TRAPPC9: variants seen among roughly 807,000 people sequenced by gnomAD.
The protein encoded by TRAPPC9 is trafficking protein particle complex subunit 9.
TRAPPC9 carries 83 observed loss-of-function variants against 124.0 expected under a neutral mutation model. That is an observed-to-expected ratio of 0.67 (90% CI 0.56 to 0.80). The LOEUF is 0.80. Ranked by LOEUF, TRAPPC9 falls within the 30% of genes least tolerant of loss-of-function variation. The pLI is 0.00. For missense variants in TRAPPC9, 1,302 were observed against 1,508.3 expected (o/e 0.86, Z 2.27); for synonymous variants, 638 against 617.5 (o/e 1.03, Z -0.49).
intron 19 of TRAPPC9, among the ~76,000 whole-genome samples, chr8:139,915,969 G>C (rs908109815): frequency 3.3e-5 from 5 of 152,212 alleles, no homozygotes; most frequent in African/African-American, 7.2e-5. Context: ...ATGCTCTCTA[G>C]AGATTCGCTA....
intron 16 of TRAPPC9, among the ~76,000 whole-genome samples, chr8:140,242,827 A>G (rs1482936310): frequency 6.6e-6 from 1 of 152,218 alleles, no homozygotes; most frequent in African/African-American, 2.4e-5. Flanking sequence ...GAAGCTCCCC[A>G]CCTACAGGAG....
chr8:140,061,989 C>T (rs991835166), intron 17 of TRAPPC9, among the ~76,000 whole-genome samples: 4 of 152,356 alleles, frequency 2.6e-5, no homozygotes, highest in African/African-American at 9.6e-5. Flanking sequence ...GCAAAGCTAA[C>T]AGCCCAGTCA....
intron 16 of TRAPPC9, among the ~76,000 whole-genome samples, chr8:140,249,018 T>C (rs1268099572): frequency 1.1e-5 from 1 of 88,804 alleles, no homozygotes; most frequent in African/African-American, 5.6e-5. Flanking sequence ...TAAAGCCAAC[T>C]TTTTTTTGTA....
intron 17 of TRAPPC9, among the ~76,000 whole-genome samples, chr8:140,076,501 T>G (rs1382154709): frequency 3.3e-5 from 5 of 152,068 alleles, no homozygotes; most frequent in African/African-American, 2.4e-5. Flanking sequence ...AAAGGAAGAG[T>G]GCAGAGGAGA....
At chr8:140,272,413 G>GATA (rs772835808) in intron 15 of TRAPPC9, among the ~76,000 whole-genome samples, 50 of 115,498 alleles carry the variant, frequency 4.3e-4, no homozygotes, top group South Asian at 1.5e-3. Context: ...TGATAATGGT[G>GATA]ATGGTGATGG....
intron 19 of TRAPPC9, among the ~76,000 whole-genome samples, chr8:139,974,698 C>T (rs527458646): frequency 2.0e-5 from 3 of 152,238 alleles, no homozygotes; most frequent in East Asian, 3.9e-4. Context: ...CCAGGCTGCC[C>T]ACTGTGCCGG....
In TRAPPC9 at chr8:140,171,173, G is replaced by A. The variant is rs983417119; in HGVS notation, c.2556+50286C>T. ...GAATATACCACTTAGAGCTGGGGTT[G>A]GGCATTTCTGGATCTCTGGCTAAAC... is the stretch of plus-strand genomic sequence containing the variant. On this transcript the variant is annotated intron_variant, in intron 17 of 22. Coordinates refer to ENST00000438773, the MANE Select transcript of TRAPPC9 (RefSeq NM_001160372.4). Among the ~76,000 whole-genome samples, 21 of 152,252 alleles carry A rather than the reference G, an allele frequency of 1.4e-4. 1 individual carries two copies. In the South Asian group the frequency reaches 3.9e-3, roughly 29 times the overall value.
rs372330293 is a variant in TRAPPC9 at position 140,235,479 on chromosome 8, G to T, written c.2432-13896C>A. On this transcript the variant is annotated intron_variant, in intron 16 of 22. Transcript: ENST00000438773. ...GTAAATAACCCAATAAAAAAATGAAGAAAATATTTTAATAGACACTTCACA... is the reference window on the plus strand; with the variant it reads ...GTAAATAACCCAATAAAAAAATGAATAAAATATTTTAATAGACACTTCACA... Among the ~76,000 whole-genome samples the T allele has an allele frequency of 1.4e-4, 21 of 152,180 alleles. 1 individual carries two copies. The East Asian group carries it at 3.7e-3, about 27-fold the overall frequency.
chr8:140,138,043 G>A (rs1175507618), intron 17 of TRAPPC9, among the ~76,000 whole-genome samples: 2 of 152,220 alleles, frequency 1.3e-5, no homozygotes, highest in African/African-American at 4.8e-5. Flanking sequence ...GCTCACGCCT[G>A]TAATCCCAAC....
intron 19 of TRAPPC9, among the ~76,000 whole-genome samples, chr8:139,947,907 T>TATAG: frequency 5.0e-5 from 3 of 60,360 alleles, no homozygotes; most frequent in Non-Finnish European, 6.6e-5. Context: ...TATATATATA[T>TATAG]AGAGAGAGAG....
In TRAPPC9 at chr8:140,236,168, C is replaced by T. The variant is rs200262992; in HGVS notation, c.2432-14585G>A. On this transcript the variant is annotated intron_variant, in intron 16 of 22. Coordinates refer to ENST00000438773, the MANE Select transcript of TRAPPC9 (RefSeq NM_001160372.4). ...CGTGATCTTGGCTCACTGCAACCTC[C>T]GCCTCCCAGGCTCAAGCGATTCTCC... Among the ~76,000 whole-genome samples the T allele has an allele frequency of 3.8e-4, 58 of 151,140 alleles. 1 individual carries two copies. In the East Asian group the frequency reaches 9.9e-3, roughly 26 times the overall value.
chr8:139,801,066 A>G (rs1244528493), intron 21 of TRAPPC9, among the ~76,000 whole-genome samples: 15 of 113,582 alleles, frequency 1.3e-4, no homozygotes, highest in African/African-American at 7.1e-4. Context: ...CCCTCCCTCC[A>G]GTATCTTCCC....
rs114746400 is a variant in TRAPPC9 at position 140,280,900 on chromosome 8, C to T, written c.2114+2989G>A. Among the ~76,000 whole-genome samples, 591 of 152,346 alleles carry T rather than the reference C, an allele frequency of 3.9e-3. 4 individuals carry two copies. Among genetic ancestry groups the T allele is most frequent in the Middle Eastern group, 0.02 (6 of 294 alleles). ...TTCACATCAGAGGACTCACGCTCTGCGCCTCTTACATCTGGCTTCTTGCAC... is the reference window on the plus strand; with the variant it reads ...TTCACATCAGAGGACTCACGCTCTGTGCCTCTTACATCTGGCTTCTTGCAC... On this transcript the variant is annotated intron_variant, in intron 14 of 22. Coordinates refer to ENST00000438773, the MANE Select transcript of TRAPPC9 (RefSeq NM_001160372.4).
chr8:140,339,997 C>T (rs1231769367), intron 9 of TRAPPC9, among the ~76,000 whole-genome samples: 1 of 152,124 alleles, frequency 6.6e-6, no homozygotes, highest in African/African-American at 2.4e-5. Flanking sequence ...CGTGGTGCAC[C>T]ACCACACGCA....
intron 21 of TRAPPC9, among the ~76,000 whole-genome samples, chr8:139,797,325 T>C (rs535801964): frequency 1.3e-5 from 2 of 152,312 alleles, no homozygotes; most frequent in East Asian, 3.9e-4. Flanking sequence ...AGTGGCGTGA[T>C]CTTGGCTCAC....
chr8:139,748,139 T>G (rs77346647), intron 21 of TRAPPC9, among the ~76,000 whole-genome samples: 2 of 4,558 alleles, frequency 4.4e-4, no homozygotes, highest in Admixed American at 3.2e-3. Flanking sequence ...CACAGCAGGT[T>G]GGGGGGGCGT....
At chr8:140,421,728 G>C (rs1331162116) in intron 5 of TRAPPC9, among the ~76,000 whole-genome samples, 1 of 151,938 alleles carries the variant, frequency 6.6e-6, no homozygotes, top group Non-Finnish European at 1.5e-5. Flanking sequence ...TCAACACTGG[G>C]GATTTTTTTC....
At chr8:140,124,861 T>C (rs2061055624) in intron 17 of TRAPPC9, among the ~76,000 whole-genome samples, 1 of 152,240 alleles carries the variant, frequency 6.6e-6, no homozygotes, top group Admixed American at 6.5e-5. Flanking sequence ...GAGACTTATT[T>C]GGCTCTAGGA....
At chr8:140,033,384 G>A (rs1051460362) in intron 17 of TRAPPC9, among the ~76,000 whole-genome samples, 5 of 152,046 alleles carry the variant, frequency 3.3e-5, no homozygotes, top group Non-Finnish European at 5.9e-5. Flanking sequence ...AACAAATCTC[G>A]GCATTGACCA....
Sources: allele counts gnomAD v4.1 joint callset (sites outside exome capture counted in the v4.1 genomes callset), GRCh38; gene constraint gnomAD v4.1.1; transcripts MANE v1.5; gene names NCBI Gene and HGNC (gene_info 2026-07-23, HGNC 2026-07-21).